Variants in STPG2 observed in about 807,000 individuals in gnomAD.
STPG2 encodes sperm tail PG-rich repeat containing 2, also known as sperm-tail PG-rich repeat-containing protein 2.
STPG2 carries 56 observed loss-of-function variants against 54.2 expected under a neutral mutation model. The ratio of observed to expected loss-of-function variants is 1.03; its 90% confidence interval spans 0.83 to 1.29. STPG2 has a LOEUF of 1.29. Among genes scored for constraint, STPG2 ranks in the 50% most tolerant of loss-of-function variants. STPG2 has a pLI of 0.00. For missense variants in STPG2, 596 were observed against 544.9 expected (o/e 1.09, Z -0.93); for synonymous variants, 200 against 181.8 (o/e 1.10, Z -0.81).
intron 4 of STPG2, among the ~76,000 whole-genome samples, chr4:97,516,426 G>A (rs1312782851): frequency 1.3e-5 from 2 of 152,012 alleles, no homozygotes; most frequent in East Asian, 3.9e-4. Context: ...TTCAATAGCT[G>A]TACACTTGGA....
intron 10 of STPG2, among the ~76,000 whole-genome samples, chr4:97,681,574 AG>A (rs1723036037): frequency 6.6e-6 from 1 of 151,890 alleles, no homozygotes; most frequent in African/African-American, 2.4e-5. Context: ...ATAGCACGAC[AG>A]GGGAAACTCC....
At chr4:97,736,810 C>T (rs933831894) in intron 9 of STPG2, among the ~76,000 whole-genome samples, 1 of 152,206 alleles carries the variant, frequency 6.6e-6, no homozygotes, top group Non-Finnish European at 1.5e-5. Context: ...ACAGCAGTAA[C>T]CTCTGCAGAC....
At chr4:97,742,734 G>C (rs1725301274) in intron 9 of STPG2, among the ~76,000 whole-genome samples, 1 of 127,600 alleles carries the variant, frequency 7.8e-6, no homozygotes, top group South Asian at 2.6e-4. Flanking sequence ...CAAAAACAGA[G>C]TAAAACAGTT....
intron 10 of STPG2, among the ~76,000 whole-genome samples, chr4:97,642,315 G>C (rs576121394): frequency 2.1e-4 from 32 of 151,126 alleles, no homozygotes; most frequent in Non-Finnish European, 4.0e-4. Flanking sequence ...AAATGAATAT[G>C]CTTTATAAAC....
At chr4:98,015,000 C>A (rs1467699850) in intron 5 of STPG2, among the ~76,000 whole-genome samples, 1 of 152,096 alleles carries the variant, frequency 6.6e-6, no homozygotes, top group Non-Finnish European at 1.5e-5. Flanking sequence ...CCCTAGTATG[C>A]AATCAGTTGT....
At chr4:98,064,347 A>G (rs980066022) in intron 5 of STPG2, among the ~76,000 whole-genome samples, 6 of 152,214 alleles carry the variant, frequency 3.9e-5, no homozygotes, top group Non-Finnish European at 5.9e-5. Context: ...AGGCGCAAAA[A>G]TCCAAATAAA....
rs534135557 is a variant in STPG2, at chr4:97,733,848, C to T, written c.1205-21034G>A. ...CTCAAAGGATCTGTTTGAAGTGTGA[C>T]GGTTTACTCGATATTTTGGTTTCTC... On this transcript the variant is annotated intron_variant, in intron 9 of 10. Transcript: ENST00000295268. Among the ~76,000 whole-genome samples the T allele has an allele frequency of 2.3e-3, 352 of 152,178 alleles. 1 individual carries two copies. The highest frequency in any genetic ancestry group is 2.8e-3 in the Non-Finnish European group (188 of 68,010).
At chr4:97,864,646 C>T (rs2149145425) in intron 8 of STPG2, among the ~76,000 whole-genome samples, 1 of 152,174 alleles carries the variant, frequency 6.6e-6, no homozygotes, top group African/African-American at 2.4e-5. Context: ...CAATCCTAAG[C>T]CAAAAGAACA....
chr4:98,065,777 C>A (rs570917020), intron 5 of STPG2, among the ~76,000 whole-genome samples: 1 of 152,180 alleles, frequency 6.6e-6, no homozygotes, highest in South Asian at 2.1e-4. Context: ...ATGACTTCTT[C>A]GGGTCCTGAA....
intron 8 of STPG2, among the ~76,000 whole-genome samples, chr4:97,914,748 A>G (rs1461453401): frequency 6.6e-6 from 1 of 152,216 alleles, no homozygotes; most frequent in African/African-American, 2.4e-5. Context: ...CCAAAAATCC[A>G]AAATCTGAAA....
rs369430596 is a variant in STPG2, at chr4:97,967,667, T to C, written c.933+4613A>G. On this transcript the variant is annotated intron_variant, in intron 7 of 10. Transcript: ENST00000295268. ...AATCACAAAAAAACTGTCTCTCAGA[T>C]CACAGTGCAATCAAATTAGAACTCA... Among the ~76,000 whole-genome samples the C allele has an allele frequency of 7.4e-4, 113 of 152,200 alleles. 4 individuals carry two copies. The South Asian group carries it at 0.022, about 30-fold the overall frequency.
At chr4:97,746,647 T>G (rs772252208) in intron 9 of STPG2, among the ~76,000 whole-genome samples, 3 of 151,178 alleles carry the variant, frequency 2.0e-5, no homozygotes. Context: ...ACAAAGGTAT[T>G]AATGACTAGC....
chr4:98,098,425 A>G (rs1237767182), intron 5 of STPG2, among the ~76,000 whole-genome samples: 1 of 152,198 alleles, frequency 6.6e-6, no homozygotes, highest in Admixed American at 6.5e-5. Context: ...CCATATCCAG[A>G]AGGATGAAAC....
chr4:97,852,234 A>G (rs900784313), intron 8 of STPG2, among the ~76,000 whole-genome samples: 3 of 152,210 alleles, frequency 2.0e-5, no homozygotes, highest in African/African-American at 7.2e-5. Context: ...TAGGATTCCA[A>G]TCAATTTATG....
In STPG2 at chr4:97,653,124, T is replaced by TAGATAGAC. The variant is rs1722120471; in HGVS notation, c.1320+59574_1320+59575insGTCTATCT. On this transcript the variant is annotated intron_variant, in intron 10 of 10. Transcript: ENST00000295268. Reference sequence around the variant, plus strand: ...ATAGATAGATAGATAGGTAGATAGATAGATAGATAGACAGATACTATCAGA... The same window carrying TAGATAGAC: ...ATAGATAGATAGATAGGTAGATAGATAGATAGACAGATAGATAGACAGATACTATCAGA... Among the ~76,000 whole-genome samples, 10 of 151,934 alleles carry TAGATAGAC rather than the reference T, an allele frequency of 6.6e-5. No homozygotes were observed. In the South Asian group the frequency reaches 2.1e-3, roughly 31 times the overall value.
At chr4:97,711,259 C>T (rs1199047935) in intron 10 of STPG2, among the ~76,000 whole-genome samples, 1 of 151,960 alleles carries the variant, frequency 6.6e-6, no homozygotes, top group Non-Finnish European at 1.5e-5. Flanking sequence ...CTAAAGTACC[C>T]AACTTATCAA....
At chr4:97,694,582 G>A (rs1202721050) in intron 10 of STPG2, among the ~76,000 whole-genome samples, 1 of 151,930 alleles carries the variant, frequency 6.6e-6, no homozygotes, top group Non-Finnish European at 1.5e-5. Context: ...GCCGAGGCGG[G>A]TGGATCATGA....
At chr4:98,140,257 G>A (rs1351987292) in intron 1 of STPG2, among the ~76,000 whole-genome samples, 1 of 152,170 alleles carries the variant, frequency 6.6e-6, no homozygotes, top group African/African-American at 2.4e-5. Context: ...TCAGGTGGAG[G>A]TGGAGGTGTG....
chr4:97,565,850 G>GT (rs899253159), intron 10 of STPG2, among the ~76,000 whole-genome samples: 1 of 151,948 alleles, frequency 6.6e-6, no homozygotes, highest in Non-Finnish European at 1.5e-5. Context: ...GCTACTGGGG[G>GT]GTGCCTCCCA....
Sources: gnomAD v4.1 joint callset for allele counts (sites outside exome capture counted in the v4.1 genomes callset) on GRCh38, gnomAD v4.1.1 for gene constraint, MANE v1.5 for transcripts, NCBI Gene and HGNC (gene_info 2026-07-23, HGNC 2026-07-21) for gene names.